The following WDR72 variants were observed in gnomAD, a reference collection of about 807,000 sequenced individuals.
The protein encoded by WDR72 is WD repeat-containing protein 72.
In WDR72, 120 loss-of-function variants were observed where a neutral mutation model predicts 124.2. The observed-to-expected ratio is 0.97, with a 90% confidence interval of 0.83 to 1.12. The LOEUF (loss-of-function observed/expected upper bound fraction) is 1.12, where lower values mean the gene tolerates loss of function less well. Among genes scored for constraint, WDR72 ranks in the 50% most tolerant of loss-of-function variants. The pLI is 0.00. For missense variants in WDR72, 1,387 were observed against 1,278.8 expected (o/e 1.08, Z -1.29); for synonymous variants, 452 against 441.7 (o/e 1.02, Z -0.29).
Position 53,722,837 on chromosome 15 carries a change from A to G in WDR72, c.225T>C (p.Ser75=). The part of the protein sequence containing the change: ...VTCLARARDF[S]KQPYIVSAAE... ...CAGCACTAACAATGTAGGGCTGTTT[A>G]GAGAAGTCCCTTGCTCTTGCCAAAC... The change falls in exon 3 of 20, where the codon TCT becomes TCC. Residue 75 remains serine, a synonymous_variant. Coordinates refer to ENST00000360509, the MANE Select transcript of WDR72 (RefSeq NM_182758.4). 1 of 1,613,002 alleles carries G rather than the reference A, an allele frequency of 6.2e-7. No individual in the cohort carries two copies. The highest frequency in any genetic ancestry group is 8.5e-7 in the Non-Finnish European group (1 of 1,180,002).
At chr15:53,681,250 G>A (rs533911696) in intron 13 of WDR72, among the ~76,000 whole-genome samples, 18 of 152,278 alleles carry the variant, frequency 1.2e-4, no homozygotes, top group Admixed American at 9.8e-4. Flanking sequence ...CTGGCTACTG[G>A]GAAGTTGCTA....
upstream of WDR72, among the ~76,000 whole-genome samples, chr15:53,760,669 CT>C (rs1468961643): frequency 4.6e-5 from 7 of 152,140 alleles, no homozygotes; most frequent in Non-Finnish European, 7.4e-5. Flanking sequence ...CTTTGATATA[CT>C]GATTTTCTTT....
intron 2 of WDR72, among the ~76,000 whole-genome samples, chr15:53,731,696 T>C (rs1358395207): frequency 6.6e-6 from 1 of 151,796 alleles, no homozygotes; most frequent in African/African-American, 2.4e-5. Flanking sequence ...GAGTGCCTTA[T>C]ATCATAACTG....
chr15:53,717,435 C>T (rs1042359462), intron 3 of WDR72, among the ~76,000 whole-genome samples: 6 of 152,154 alleles, frequency 3.9e-5, no homozygotes, highest in Non-Finnish European at 8.8e-5. Flanking sequence ...AAAGGAGATA[C>T]TGCCATTATA....
At chr15:53,610,626 A>AATAAAGGT (rs1224947774) in intron 16 of WDR72, among the ~76,000 whole-genome samples, 2 of 151,994 alleles carry the variant, frequency 1.3e-5, no homozygotes, top group Non-Finnish European at 2.9e-5. Context: ...AGGAAAATGC[A>AATAAAGGT]ATAAAGGTAT....
intron 1 of WDR72, among the ~76,000 whole-genome samples, chr15:53,751,072 G>T (rs967486661): frequency 6.6e-6 from 1 of 152,066 alleles, no homozygotes; most frequent in Non-Finnish European, 1.5e-5. Flanking sequence ...TTCTGCTGTG[G>T]GTAAAAGGCT....
chr15:53,583,630 A>G (rs1049095756), intron 18 of WDR72, among the ~76,000 whole-genome samples: 2 of 152,040 alleles, frequency 1.3e-5, no homozygotes, highest in Non-Finnish European at 2.9e-5. Context: ...TAGGGCAATA[A>G]ATATGTTACT....
At chr15:53,759,483 C>G (rs1253953825) in intron 1 of WDR72, 150 bp downstream of exon 1, 4 of 152,306 alleles carry the variant, frequency 2.6e-5, no homozygotes, top group African/African-American at 9.6e-5. Flanking sequence ...ACCCTCTTTC[C>G]CGGCCCAGCT....
intron 14 of WDR72, among the ~76,000 whole-genome samples, chr15:53,622,612 T>C (rs2014041037): frequency 6.6e-6 from 1 of 151,206 alleles, no homozygotes; most frequent in Non-Finnish European, 1.5e-5. Context: ...ACACACACAG[T>C]GGGGGCAGTC....
upstream of WDR72, among the ~76,000 whole-genome samples, chr15:53,761,978 T>C (rs564737812): frequency 5.9e-4 from 89 of 152,032 alleles, no homozygotes; most frequent in Non-Finnish European, 8.4e-4. Context: ...CTAAACTGAA[T>C]GACTGGGTGG....
At chr15:53,711,564 T>C (rs890223599) in intron 7 of WDR72, 83 bp from the exon 8 acceptor site, 116 of 1,399,376 alleles carry the variant, frequency 8.3e-5, no homozygotes, top group Non-Finnish European at 1.1e-4. Flanking sequence ...ATAGTAATAA[T>C]ATAACAACAT....
intron 19 of WDR72, among the ~76,000 whole-genome samples, chr15:53,521,999 A>G (rs142808330): frequency 6.6e-6 from 1 of 152,120 alleles, no homozygotes; most frequent in African/African-American, 2.4e-5. Flanking sequence ...TGTCACTGCT[A>G]AAGATGCCAT....
Position 53,738,717 on chromosome 15 carries a change from C to T in WDR72, c.-12-5556G>A, listed in dbSNP as rs1390639997. ...TTCAAGGGATTCTCCTGCCCCTGCCCCTGCCTCAGCCTCCTGAGTACTGGG... is the reference window on the plus strand; with the variant it reads ...TTCAAGGGATTCTCCTGCCCCTGCCTCTGCCTCAGCCTCCTGAGTACTGGG... On this transcript the variant is annotated intron_variant, in intron 1 of 19. Coordinates refer to ENST00000360509, the MANE Select transcript of WDR72 (RefSeq NM_182758.4). Among the ~76,000 whole-genome samples, 3 of 152,260 alleles carry T rather than the reference C, an allele frequency of 2.0e-5. No individual in the cohort carries two copies. In the East Asian group the frequency reaches 5.8e-4, roughly 29 times the overall value.
chr15:53,588,118 C>T (rs1191130461), intron 18 of WDR72, among the ~76,000 whole-genome samples: 1 of 152,004 alleles, frequency 6.6e-6, no homozygotes, highest in African/African-American at 2.4e-5. Context: ...CTTTCTAGTA[C>T]AGACAATTAA....
intron 18 of WDR72, among the ~76,000 whole-genome samples, chr15:53,544,794 G>T (rs1269375347): frequency 6.6e-6 from 1 of 151,740 alleles, no homozygotes; most frequent in African/African-American, 2.4e-5. Flanking sequence ...TCCTTAAGCT[G>T]ATAAGCAACT....
intron 1 of WDR72, among the ~76,000 whole-genome samples, chr15:53,735,415 G>C (rs143150384): frequency 7.9e-5 from 12 of 152,306 alleles, no homozygotes; most frequent in African/African-American, 2.9e-4. Context: ...GGGAAAGAAA[G>C]AACAGGGAAC....
chr15:53,688,704 G>C (rs969097777), intron 13 of WDR72, among the ~76,000 whole-genome samples: 1 of 151,894 alleles, frequency 6.6e-6, no homozygotes, highest in Admixed American at 6.6e-5. Context: ...CACAGAATTG[G>C]AAAAAACTAC....
chr15:53,545,945 A>C (rs1377568033), intron 18 of WDR72, among the ~76,000 whole-genome samples: 3 of 125,408 alleles, frequency 2.4e-5, no homozygotes, highest in Admixed American at 1.6e-4. Context: ...AGAGAAATGC[A>C]AATCAAAACC....
chr15:53,683,945 C>G lies in WDR72; in HGVS notation c.1765+15805G>C, dbSNP rs181224129. Reference sequence around the variant, plus strand: ...ACCTTTTTTACACCATGAACCCCATCAACAATCTGGGGATGTCAACGAACC... The same window carrying G: ...ACCTTTTTTACACCATGAACCCCATGAACAATCTGGGGATGTCAACGAACC... On this transcript the variant is annotated intron_variant, in intron 13 of 19. Transcript: ENST00000360509. 6.3e-3 allele frequency among the ~76,000 whole-genome samples: 954 copies of G among 152,198 alleles called. 8 individuals carry two copies. The highest frequency in any genetic ancestry group is 8.2e-3 in the Non-Finnish European group (556 of 68,004).
Sources: gnomAD v4.1 joint callset for allele counts (sites outside exome capture counted in the v4.1 genomes callset) on GRCh38, gnomAD v4.1.1 for gene constraint, MANE v1.5 for transcripts, NCBI Gene and HGNC (gene_info 2026-07-23, HGNC 2026-07-21) for gene names.